Variants in STUB1 observed in about 807,000 individuals in gnomAD.
STUB1 encodes the protein E3 ubiquitin-protein ligase CHIP.
A neutral mutation model predicts 40.3 loss-of-function variants in STUB1; 37 were observed. The ratio of observed to expected loss-of-function variants is 0.92; its 90% CI spans 0.71 to 1.21. The LOEUF is 1.21. STUB1 is among the 50% of genes most tolerant of loss of function. The pLI, the probability that STUB1 is intolerant of heterozygous loss-of-function variation, is 0.00. For missense variants in STUB1, 460 were observed against 421.9 expected (o/e 1.09, Z -0.79); for synonymous variants, 246 against 171.9 (o/e 1.43, Z -3.37).
In STUB1 at chr16:680,684, C is replaced by A. The variant is rs1316985333; in HGVS notation, c.159C>A (p.Ile53=). ...CGGCGGCCTGCTACGGCCGCGCGAT[C>A]GTGAGTGCGCCCGCGCGGGGAGGGC... ...PEAAACYGRA[I]TRNPLVAVYY... is the part of the protein sequence containing the mutation. The change falls in exon 1 of 7, where the codon ATC becomes ATA. Residue 53 remains isoleucine, a splice_region_variant and synonymous_variant. Transcript: ENST00000219548. This position sits in a 1 kb window ranked among gnomAD's most constrained non-coding sequence, Gnocchi z 4.9. 2.5e-6 allele frequency: 3 copies of A among 1,204,838 alleles called. No homozygotes were observed. Among genetic ancestry groups the A allele is most frequent in the South Asian group, 3.2e-5 (1 of 31,514 alleles). 74.6% of individuals were successfully genotyped at this position (1,204,838 alleles called of 1,614,324 possible).
In STUB1 at chr16:682,522, G is replaced by C. The variant is rs1450528231; in HGVS notation, c.*33G>C. The C allele has an allele frequency of 1.7e-5, 27 of 1,611,976 alleles. No homozygotes were observed. The highest frequency in any genetic ancestry group is 2.3e-5 in the Non-Finnish European group (27 of 1,179,552). ...TGCCCTACCTGGCGTCCTGGTCCAGGGGAGCCCTGGGCAGAAGCCCCCGGC... is the reference window on the plus strand; with the variant it reads ...TGCCCTACCTGGCGTCCTGGTCCAGCGGAGCCCTGGGCAGAAGCCCCCGGC... On this transcript the variant is annotated 3_prime_UTR_variant, in exon 7 of 7. Transcript: ENST00000219548.
rs756721060 is a variant in STUB1 at position 682,352 on chromosome 16, T to C, written c.787-12T>C. The C allele has an allele frequency of 2.5e-6, 4 of 1,613,136 alleles. 1 individual carries two copies. The Admixed American group carries it at 5.0e-5, about 20-fold the overall frequency. On this transcript the variant is annotated splice_polypyrimidine_tract_variant and intron_variant, in intron 6 of 6. Coordinates refer to ENST00000219548, the MANE Select transcript of STUB1 (RefSeq NM_005861.4). The stretch of plus-strand genomic sequence containing the variant: ...GCCCCATGACTGCCCTCTGCCCTTC[T>C]TGTCACTGCAGCGTGTGGGTCATTT...
rs2039638921 is a variant in STUB1 at position 680,845 on chromosome 16, G to A, written c.159+161G>A. ...AGCCCAGCGCCGGGTGCCGGAGAACGAGGGTGCGATGCTGGATGGAGGCCG... is the reference window on the plus strand; with the variant it reads ...AGCCCAGCGCCGGGTGCCGGAGAACAAGGGTGCGATGCTGGATGGAGGCCG... On this transcript the variant is annotated intron_variant, in intron 1 of 6. Transcript: ENST00000219548. The surrounding 1 kb of genome is among the most constrained non-coding windows in gnomAD (Gnocchi z 4.9). The A allele has an allele frequency of 5.4e-6, 4 of 744,182 alleles. No individual in the cohort carries two copies. In the Admixed American group the frequency reaches 1.2e-4, roughly 23 times the overall value. The allele number at this position is 744,182 out of a possible 1,614,324, so 46.1% of individuals were successfully genotyped here.
Position 680,444 on chromosome 16 carries a change from G to A in STUB1, c.-82G>A, listed in dbSNP as rs958186032. ...CCGGGCCCGAGCGGATCGCGGGCTC[G>A]GGCTGCGGGGCTCCGGCTGCGGGCG... On this transcript the variant is annotated 5_prime_UTR_variant, in exon 1 of 7. Transcript: ENST00000219548. This position sits in a 1 kb window ranked among gnomAD's most constrained non-coding sequence, Gnocchi z 4.9. 2 of 1,136,860 alleles carry A rather than the reference G, an allele frequency of 1.8e-6. No individual in the cohort carries two copies. The highest frequency in any genetic ancestry group is 2.2e-6 in the Non-Finnish European group (2 of 923,388). The allele number at this position is 1,136,860 out of a possible 1,614,324, so 70.4% of individuals were successfully genotyped here. A position where few individuals can be genotyped will look rare whatever the true frequency, so the allele number is the denominator to read the frequency against.
chr16:681,713 G>A lies in STUB1; in HGVS notation c.525-80G>A, dbSNP rs1664049800. On this transcript the variant is annotated intron_variant, in intron 3 of 6. Coordinates refer to ENST00000219548, the MANE Select transcript of STUB1 (RefSeq NM_005861.4). ...TGGCAAGCAGGAAATGTGGGGAAGT[G>A]TGGATGTTAGCTCTGAGATTGGGGT... is the stretch of plus-strand genomic sequence containing the variant. The A allele has an allele frequency of 6.4e-6, 10 of 1,553,090 alleles. No individual in the cohort carries two copies. The South Asian group carries it at 9.6e-5, about 15-fold the overall frequency.
Position 681,528 on chromosome 16 carries a change from T to C in STUB1, c.449T>C (p.Ile150Thr), listed in dbSNP as rs772875923. 1.7e-5 allele frequency: 28 copies of C among 1,612,180 alleles called. No homozygotes were observed. Among genetic ancestry groups the C allele is most frequent in the East Asian group, 2.2e-5 (1 of 44,900 alleles). The change falls in exon 3 of 7, where the codon ATT becomes ACT. Residue 150 changes from isoleucine (I) to threonine (T), a missense_variant. Ile to Thr is a moderately conservative substitution (Grantham distance 89). Transcript: ENST00000219548. Reference protein sequence around the residue: ...RIAKKKRWNSIEERRIHQESE... With the variant: ...RIAKKKRWNSTEERRIHQESE... The stretch of plus-strand genomic sequence containing the variant: ...GCGAAGAAGAAGCGCTGGAACAGCA[T>C]TGAGGAGCGGCGCATCCACCAGGAG...
chr16:681,280 G>A lies in STUB1; in HGVS notation c.288G>A (p.Ala96=), dbSNP rs1321204795. The A allele has an allele frequency of 9.9e-6, 16 of 1,612,752 alleles. No individual in the cohort carries two copies. The highest frequency in any genetic ancestry group is 1.2e-5 in the Non-Finnish European group (14 of 1,179,992). Residue 96 remains alanine, a synonymous_variant, in exon 2 of 7, where the codon GCG becomes GCA. Transcript: ENST00000219548. ...ALELDGQSVK[A]HFFLGQCQLE... ...AGCTGGACGGGCAGTCTGTGAAGGC[G>A]CACTTCTTCCTGGGGCAGTGCCAGC... is the stretch of plus-strand genomic sequence containing the variant.
rs766592652 is a variant in STUB1 at position 682,480 on chromosome 16, G to A, written c.903G>A (p.Glu301=). The A allele has an allele frequency of 1.2e-5, 20 of 1,613,180 alleles. No homozygotes were observed. Among genetic ancestry groups the A allele is most frequent in the East Asian group, 2.2e-5 (1 of 44,898 alleles). Reference sequence around the variant, plus strand: ...TCATCTCTGAGAATGGCTGGGTGGAGGACTACTGAGGTTCCCTGCCCTACC... The same window carrying A: ...TCATCTCTGAGAATGGCTGGGTGGAAGACTACTGAGGTTCCCTGCCCTACC... ...DAFISENGWV[E]DY is the part of the protein sequence containing the mutation. The change falls in exon 7 of 7, where the codon GAG becomes GAA. Residue 301 remains glutamate (E), a synonymous_variant. Coordinates refer to ENST00000219548, the MANE Select transcript of STUB1 (RefSeq NM_005861.4).
rs2039652539 is a variant in STUB1, at chr16:681,502, C to T, written c.423C>T (p.Ile141=). The change falls in exon 3 of 7, where the codon ATC becomes ATT. Residue 141 remains isoleucine, a synonymous_variant. Coordinates refer to ENST00000219548, the MANE Select transcript of STUB1 (RefSeq NM_005861.4). The part of the protein sequence containing the change: ...FGDDIPSALR[I]AKKKRWNSIE... ...ACGACATCCCCAGCGCTCTTCGAAT[C>T]GCGAAGAAGAAGCGCTGGAACAGCA... 3.7e-6 allele frequency: 6 copies of T among 1,612,502 alleles called. No homozygotes were observed. The highest frequency in any genetic ancestry group is 1.7e-5 in the Admixed American group (1 of 60,004).
At position 682,391 on chromosome 16, in the gene STUB1, C is replaced by T. The variant is rs760849270; in HGVS notation, c.814C>T (p.Arg272Trp). The T allele has an allele frequency of 1.1e-5, 17 of 1,613,262 alleles. No homozygotes were observed. The highest frequency in any genetic ancestry group is 4.5e-5 in the East Asian group (2 of 44,878). The change falls in exon 7 of 7, where the codon CGG becomes TGG. Residue 272 changes from arginine (R) to tryptophan (W), a missense_variant. Transcript: ENST00000219548. Reference sequence around the variant, plus strand: ...TGTGGGTCATTTTGACCCCGTGACCCGGAGCCCCCTGACCCAGGAACAGCT... The same window carrying T: ...TGTGGGTCATTTTGACCCCGTGACCTGGAGCCCCCTGACCCAGGAACAGCT... ...QRVGHFDPVT[R>W]SPLTQEQLIP...
rs1567281591 is a variant in STUB1, at chr16:682,022, C to G, written c.615C>G (p.Asp205Glu). ...AQQACIEAKH[D>E]KYMADMDELF... ...GCACAGCACTCAACTCTTCACAGGA[C>G]AAGTACATGGCGGACATGGACGAGC... The change falls in exon 5 of 7, where the codon GAC (aspartate) becomes GAG (glutamate). Residue 205 changes from aspartate to glutamate, a missense_variant and splice_region_variant. Asp to Glu is a conservative substitution (Grantham distance 45, BLOSUM62 2). Coordinates refer to ENST00000219548, the MANE Select transcript of STUB1 (RefSeq NM_005861.4). The G allele has an allele frequency of 1.2e-6, 2 of 1,603,004 alleles. No individual in the cohort carries two copies. Among genetic ancestry groups the G allele is most frequent in the Admixed American group, 1.7e-5 (1 of 59,590 alleles).
chr16:681,033 C>T (rs2039641925), intron 1 of STUB1, 119 bp from the exon 2 acceptor site: 2 of 1,070,748 alleles, frequency 1.9e-6, no homozygotes, highest in South Asian at 1.6e-5. Flanking sequence ...GGGGCTTTGA[C>T]AACTGAGAAA....
Position 682,296 on chromosome 16 carries a change from T to C in STUB1, c.786+15T>C, listed in dbSNP as rs754286588. ...AGCACCTGCAGGTGAGGCCTGCGGC[T>C]GGGGGAGCAGGGCCAGTGGCATGGT... On this transcript the variant is annotated intron_variant, in intron 6 of 6. Transcript: ENST00000219548. The C allele has an allele frequency of 2.2e-5, 35 of 1,612,434 alleles. No individual in the cohort carries two copies. Among genetic ancestry groups the C allele is most frequent in the Non-Finnish European group, 2.9e-5 (34 of 1,179,800 alleles).
rs587777344 is a variant in STUB1, at chr16:681,446, C to T, written c.367C>T (p.Leu123=). ...AIANLQRAYS[L]AKEQRLNFGD... ...AAGCCCCCGTTCCCCAGCTTACAGCCTGGCCAAGGAGCAGCGGCTGAACTT... is the reference window on the plus strand; with the variant it reads ...AAGCCCCCGTTCCCCAGCTTACAGCTTGGCCAAGGAGCAGCGGCTGAACTT... Residue 123 remains leucine (L), a synonymous_variant, in exon 3 of 7, where the codon CTG becomes TTG. Transcript: ENST00000219548. 5.0e-6 allele frequency: 8 copies of T among 1,611,596 alleles called. No homozygotes were observed. The highest frequency in any genetic ancestry group is 1.1e-5 in the South Asian group (1 of 91,072).
In STUB1 at chr16:681,871, G is replaced by C. The variant is rs775746999; in HGVS notation, c.603G>C (p.Glu201Asp). ...SHVRAQQACI[E>D]AKHDKYMADM... The stretch of plus-strand genomic sequence containing the variant: ...TCCGGGCCCAGCAGGCCTGCATTGA[G>C]GCCAAGCACGTGAGGGTGCCCCCCA... Residue 201 changes from glutamate (E) to aspartate (D), a missense_variant, in exon 4 of 7, where the codon GAG becomes GAC. Glu to Asp is a conservative substitution (Grantham distance 45). Transcript: ENST00000219548. The C allele has an allele frequency of 6.2e-7, 1 of 1,612,818 alleles. No individual in the cohort carries two copies. The highest frequency in any genetic ancestry group is 1.3e-5 in the African/African-American group (1 of 74,948).
Position 682,469 on chromosome 16 carries a change from G to T in STUB1, c.892G>T (p.Gly298Cys). ...TATTGACGCATTCATCTCTGAGAAT[G>T]GCTGGGTGGAGGACTACTGAGGTTC... ...EVIDAFISEN[G>C]WVEDY The change falls in exon 7 of 7, where the codon GGC (glycine) becomes TGC (cysteine). Residue 298 changes from glycine to cysteine, a missense_variant. By Grantham distance (159) the Gly-to-Cys change is radical. Coordinates refer to ENST00000219548, the MANE Select transcript of STUB1 (RefSeq NM_005861.4). 1 of 1,613,404 alleles carries T rather than the reference G, an allele frequency of 6.2e-7. No homozygotes were observed. The highest frequency in any genetic ancestry group is 1.6e-4 in the Middle Eastern group (1 of 6,062).
chr16:682,582 C>A lies in STUB1; in HGVS notation c.*93C>A, dbSNP rs1290777829. The A allele has an allele frequency of 3.2e-6, 5 of 1,553,522 alleles. No homozygotes were observed. In the African/African-American group the frequency reaches 6.8e-5, roughly 21 times the overall value. On this transcript the variant is annotated 3_prime_UTR_variant, in exon 7 of 7. Coordinates refer to ENST00000219548, the MANE Select transcript of STUB1 (RefSeq NM_005861.4). ...TAGTTTATGTTCCTGGCCACCCCGA[C>A]CGCTTCCCCCAAGTTCTGCTGTTGG... is the stretch of plus-strand genomic sequence containing the variant.
At position 681,199 on chromosome 16, in the gene STUB1, C is replaced by G; in HGVS notation, c.207C>G (p.Cys69Trp). ...TGTATTACACCAACCGGGCCTTGTG[C>G]TACCTGAAGATGCAGCAGCACGAGC... The part of the protein sequence containing the change: ...VAVYYTNRAL[C>W]YLKMQQHEQA... Residue 69 changes from cysteine to tryptophan, a missense_variant, in exon 2 of 7, where the codon TGC becomes TGG. Transcript: ENST00000219548. 6.2e-7 allele frequency: 1 copy of G among 1,602,892 alleles called. No individual in the cohort carries two copies. The highest frequency in any genetic ancestry group is 8.5e-7 in the Non-Finnish European group (1 of 1,175,476).
In STUB1 at chr16:682,055, T is replaced by G; in HGVS notation, c.648T>G (p.Ser216=). ...KYMADMDELF[S]QVDEKRKKRD... The stretch of plus-strand genomic sequence containing the variant: ...TGGCGGACATGGACGAGCTTTTTTC[T>G]CAGGTGGATGAGAAGAGGAAGGTGA... Residue 216 remains serine (S), a synonymous_variant, in exon 5 of 7, where the codon TCT becomes TCG. Transcript: ENST00000219548. 10 of 1,585,780 alleles carry G rather than the reference T, an allele frequency of 6.3e-6. No homozygotes were observed. The highest frequency in any genetic ancestry group is 8.6e-6 in the Non-Finnish European group (10 of 1,160,132).
Sources: gnomAD v4.1 joint callset for allele counts on GRCh38, gnomAD v4.1.1 for gene constraint, Gnocchi (gnomAD v3.1) non-coding constraint, MANE v1.5 for transcripts, NCBI Gene and HGNC (gene_info 2026-07-23, HGNC 2026-07-21) for gene names.